The following SYNJ2 variants were observed in gnomAD, a reference collection of about 807,000 sequenced individuals.
The protein encoded by SYNJ2 is polyphosphatidylinositol phosphatase SYNJ2.
A neutral mutation model predicts 141.3 loss-of-function variants in SYNJ2; 116 were observed. The ratio of observed to expected loss-of-function variants is 0.82; its 90% CI spans 0.71 to 0.96. SYNJ2 has a LOEUF of 0.96. Ranked by LOEUF, SYNJ2 falls within the 40% of genes least tolerant of loss-of-function variation. SYNJ2 has a pLI of 0.00. For missense variants in SYNJ2, 1,873 were observed against 1,934.8 expected (o/e 0.97, Z 0.60); for synonymous variants, 745 against 777.7 (o/e 0.96, Z 0.70).
At chr6:157,989,912 G>GGC (rs1554228308) in intron 1 of SYNJ2, among the ~76,000 whole-genome samples, 1 of 152,104 alleles carries the variant, frequency 6.6e-6, no homozygotes, top group Admixed American at 6.6e-5. Context: ...CTTTTCTGGG[G>GGC]GGGGCTAGGA....
chr6:158,066,480 A>C lies in SYNJ2; in HGVS notation c.1562A>C (p.Gln521Pro). Residue 521 changes from glutamine to proline, a missense_variant, in exon 12 of 27, where the codon CAG becomes CCG. Transcript: ENST00000355585. ...PRILKAMTERQSEFTNFKRIR... is the reference protein window; with the variant it reads ...PRILKAMTERPSEFTNFKRIR... ...ATCCTGAAAGCTATGACTGAGCGTC[A>C]GTCCGAATTCACAAATTTCAAGCGG... The C allele has an allele frequency of 6.2e-7, 1 of 1,614,202 alleles. No homozygotes were observed. Among genetic ancestry groups the C allele is most frequent in the Non-Finnish European group, 8.5e-7 (1 of 1,180,048 alleles).
intron 2 of SYNJ2, among the ~76,000 whole-genome samples, chr6:158,024,153 G>A (rs1161721376): frequency 3.3e-5 from 5 of 152,092 alleles, no homozygotes; most frequent in South Asian, 4.1e-4. Flanking sequence ...GGCCAGGCAC[G>A]GTGGCTCATG....
chr6:158,075,435 G>A (rs1782217494), intron 16 of SYNJ2, among the ~76,000 whole-genome samples: 1 of 151,420 alleles, frequency 6.6e-6, no homozygotes, highest in Non-Finnish European at 1.5e-5. Flanking sequence ...GAGGTCAGGA[G>A]TTCAAGACCA....
rs764661324 is a variant in SYNJ2 at position 158,074,660 on chromosome 6, C to G, written c.2214C>G (p.Val738=). ...GCATTGATCTTACTTATGAAGAAGT[C>G]TTCTATTTTGTTAAACGCCAAGACT... ...NYRIDLTYEE[V]FYFVKRQDWK... Residue 738 remains valine (V), a synonymous_variant, in exon 16 of 27, where the codon GTC becomes GTG. Transcript: ENST00000355585. 2 of 1,614,046 alleles carry G rather than the reference C, an allele frequency of 1.2e-6. No homozygotes were observed. The highest frequency in any genetic ancestry group is 2.2e-5 in the South Asian group (2 of 91,054).
At chr6:157,997,385 TAAG>T (rs1223879633) in intron 1 of SYNJ2, among the ~76,000 whole-genome samples, 1 of 152,062 alleles carries the variant, frequency 6.6e-6, no homozygotes, top group Non-Finnish European at 1.5e-5. Flanking sequence ...GGCGTGCTTA[TAAG>T]AAGAAAAGGG....
Position 158,088,763 on chromosome 6 carries a change from T to C in SYNJ2, c.3447T>C (p.Pro1149=), listed in dbSNP as rs1783246692. 6.2e-7 allele frequency: 1 copy of C among 1,612,044 alleles called. No individual in the cohort carries two copies. Among genetic ancestry groups the C allele is most frequent in the African/African-American group, 1.3e-5 (1 of 74,880 alleles). ...LQTARLLPGA[P]QQPPKARTGI... Reference sequence around the variant, plus strand: ...CGGCAAGACTTCTACCAGGAGCACCTCAGCAACCTGTGAGTTCTTCTGCAT... The same window carrying C: ...CGGCAAGACTTCTACCAGGAGCACCCCAGCAACCTGTGAGTTCTTCTGCAT... Residue 1149 remains proline, a synonymous_variant, in exon 24 of 27, where the codon CCT becomes CCC. Coordinates refer to ENST00000355585, the MANE Select transcript of SYNJ2 (RefSeq NM_003898.4).
chr6:158,085,944 G>C (rs1315658384), intron 22 of SYNJ2, among the ~76,000 whole-genome samples: 2 of 152,134 alleles, frequency 1.3e-5, no homozygotes, highest in African/African-American at 4.8e-5. Flanking sequence ...CTTTCTCTCG[G>C]GGGTGGCCGT....
At chr6:158,026,796 G>T (rs964674724) in intron 2 of SYNJ2, 91 of 984,128 alleles carry the variant, frequency 9.2e-5, no homozygotes, top group Non-Finnish European at 1.1e-4. Flanking sequence ...GGGCACTTCT[G>T]CTGAACTGTG....
In SYNJ2 at chr6:158,086,990, G is replaced by C. The variant is rs1007051510; in HGVS notation, c.3343+1G>C. On this transcript the variant is annotated splice_donor_variant, in intron 23 of 26. Transcript: ENST00000355585. LOFTEE classifies it high-confidence loss of function. ...CCCCCGCAGAGACCCCCCCCTCCAAGTAAGACTCTGCTTGCTTTCAGCTCC... is the reference window on the plus strand; with the variant it reads ...CCCCCGCAGAGACCCCCCCCTCCAACTAAGACTCTGCTTGCTTTCAGCTCC... 9 of 1,586,154 alleles carry C rather than the reference G, an allele frequency of 5.7e-6. No individual in the cohort carries two copies. In the Middle Eastern group the frequency reaches 6.7e-4, roughly 117 times the overall value.
intron 1 of SYNJ2, among the ~76,000 whole-genome samples, chr6:158,000,407 C>G (rs1288720351): frequency 6.6e-6 from 1 of 152,112 alleles, no homozygotes; most frequent in Non-Finnish European, 1.5e-5. Flanking sequence ...GTTCCTTCAT[C>G]TTTCTTGGAC....
chr6:158,091,056 G>A (rs916115441), intron 25 of SYNJ2, among the ~76,000 whole-genome samples: 9 of 151,976 alleles, frequency 5.9e-5, no homozygotes, highest in Admixed American at 3.9e-4. Flanking sequence ...GGTGGCTCAC[G>A]CCTGTAATCC....
At chr6:158,012,832 A>C (rs1583316002) in intron 1 of SYNJ2, among the ~76,000 whole-genome samples, 1 of 151,992 alleles carries the variant, frequency 6.6e-6, no homozygotes, top group South Asian at 2.1e-4. Context: ...GTAACTCTCC[A>C]CCCTGCTGCC....
At position 158,043,443 on chromosome 6, in the gene SYNJ2, G is replaced by T. The variant is rs372931172; in HGVS notation, c.795+44G>T. ...TAAATGTCCCCTTGTGATGTTGTCC[G>T]CCCTGCCCTTCCCTTCAATAGCTGG... On this transcript the variant is annotated intron_variant, in intron 5 of 26. Coordinates refer to ENST00000355585, the MANE Select transcript of SYNJ2 (RefSeq NM_003898.4). The surrounding 1 kb of genome is among the most constrained non-coding windows in gnomAD (Gnocchi z 4.0). 11 of 1,413,628 alleles carry T rather than the reference G, an allele frequency of 7.8e-6. No homozygotes were observed. The highest frequency in any genetic ancestry group is 2.3e-5 in the East Asian group (1 of 43,768). 87.6% of individuals were successfully genotyped at this position (1,413,628 alleles called of 1,614,324 possible).
In SYNJ2 at chr6:158,059,300, G is replaced by A. The variant is rs149724554; in HGVS notation, c.901G>A (p.Val301Met). Residue 301 changes from valine (V) to methionine (M), a missense_variant, in exon 7 of 27, where the codon GTG becomes ATG. Physicochemically the swap from Val to Met is conservative, Grantham distance 21 (BLOSUM62 1). Coordinates refer to ENST00000355585, the MANE Select transcript of SYNJ2 (RefSeq NM_003898.4). ...GGAGCAGTACGGGCAGCAGGTGGTC[G>A]TGAACCTTCTGGGAAGCAGAGGCGG... ...LKEQYGQQVV[V>M]NLLGSRGGEE... 3.4e-4 allele frequency: 527 copies of A among 1,550,836 alleles called. No homozygotes were observed. The highest frequency in any genetic ancestry group is 4.3e-4 in the Non-Finnish European group (494 of 1,146,918).
chr6:158,053,159 G>A lies in SYNJ2; in HGVS notation c.796-1808G>A, dbSNP rs576696413. ...TCCCTGACCAGAATGCTACCTACAT[G>A]ATGCTGTATCCTTCTCAGGGTACCA... is the stretch of plus-strand genomic sequence containing the variant. On this transcript the variant is annotated intron_variant, in intron 5 of 26. Transcript: ENST00000355585. Among the ~76,000 whole-genome samples the A allele has an allele frequency of 3.3e-5, 5 of 152,302 alleles. No individual in the cohort carries two copies. The South Asian group carries it at 1.0e-3, about 32-fold the overall frequency.
Position 158,069,536 on chromosome 6 carries a change from T to C in SYNJ2, c.1803T>C (p.Thr601=), listed in dbSNP as rs535661324. ...ATCCTTTCCTTTTCTCTTCCAGTAC[T>C]ACCAACAAGAAGATGTGGGGTGAAC... The part of the protein sequence containing the change: ...LSAGNIVNAS[T]TNKKMWGEQL... The change falls in exon 14 of 27, where the codon ACT becomes ACC. Residue 601 remains threonine, a synonymous_variant. Coordinates refer to ENST00000355585, the MANE Select transcript of SYNJ2 (RefSeq NM_003898.4). 1.9e-5 allele frequency: 31 copies of C among 1,612,400 alleles called. No homozygotes were observed. In the East Asian group the frequency reaches 6.7e-4, roughly 35 times the overall value.
intron 1 of SYNJ2, among the ~76,000 whole-genome samples, chr6:158,004,089 C>T (rs970638949): frequency 2.0e-5 from 3 of 152,160 alleles, no homozygotes; most frequent in African/African-American, 7.2e-5. Flanking sequence ...AGTCAACCCA[C>T]GATCAAATTA....
At chr6:158,032,809 C>T (rs1209091748) in intron 3 of SYNJ2, among the ~76,000 whole-genome samples, 2 of 152,202 alleles carry the variant, frequency 1.3e-5, no homozygotes, top group East Asian at 1.9e-4. Flanking sequence ...GTCACCCTGT[C>T]GTTATCATCA....
chr6:158,053,412 A>G (rs2502613), intron 5 of SYNJ2, among the ~76,000 whole-genome samples: 55,221 of 152,044 alleles, frequency 0.36, 10,312 homozygotes, highest in South Asian at 0.43. Context: ...ATTATTTACT[A>G]TGACAGTTGT....
Sources: gnomAD v4.1 joint callset for allele counts (sites outside exome capture counted in the v4.1 genomes callset) on GRCh38, gnomAD v4.1.1 for gene constraint, Gnocchi (gnomAD v3.1) non-coding constraint, MANE v1.5 for transcripts, NCBI Gene and HGNC (gene_info 2026-07-23, HGNC 2026-07-21) for gene names.